TTC6: variants seen among roughly 807,000 people sequenced by gnomAD.
The protein encoded by TTC6 is tetratricopeptide repeat protein 6.
A neutral mutation model predicts 210.4 loss-of-function variants in TTC6; 172 were observed. The ratio of observed to expected loss-of-function variants is 0.82; its 90% CI spans 0.72 to 0.93. TTC6 has a LOEUF of 0.93. Among genes scored for constraint, TTC6 ranks in the 40% least tolerant of loss-of-function variants. The pLI, the probability that TTC6 is intolerant of heterozygous loss-of-function variation, is 0.00. For missense variants in TTC6, 2,414 were observed against 2,318.1 expected (o/e 1.04, Z -0.85); for synonymous variants, 804 against 819.6 (o/e 0.98, Z 0.32).
intron 14 of TTC6, among the ~76,000 whole-genome samples, chr14:37,767,933 G>C (rs1192067127): frequency 6.9e-6 from 1 of 145,164 alleles, no homozygotes; most frequent in Non-Finnish European, 1.5e-5. Flanking sequence ...TATGGTTTTA[G>C]GTCTAATGTT....
chr14:37,795,909 A>G (rs1208944537), intron 18 of TTC6, among the ~76,000 whole-genome samples: 2 of 152,158 alleles, frequency 1.3e-5, no homozygotes, highest in African/African-American at 4.8e-5. Flanking sequence ...ATGGAATGTG[A>G]CAATGCTTTA....
chr14:37,766,119 T>A (rs1271958735), intron 14 of TTC6, among the ~76,000 whole-genome samples: 1 of 152,184 alleles, frequency 6.6e-6, no homozygotes, highest in Non-Finnish European at 1.5e-5. Context: ...ATTTGGGAAG[T>A]TTTCAACCAT....
At chr14:37,757,054 G>A (rs573875597) in intron 14 of TTC6, among the ~76,000 whole-genome samples, 4 of 152,068 alleles carry the variant, frequency 2.6e-5, no homozygotes, top group South Asian at 2.1e-4. Context: ...TCAGGGATTC[G>A]ATTTCTTCCT....
At chr14:37,665,627 C>T (rs1263761625) in intron 1 of TTC6, among the ~76,000 whole-genome samples, 1 of 150,444 alleles carries the variant, frequency 6.6e-6, no homozygotes, top group African/African-American at 2.4e-5. Context: ...CCTGCACGTC[C>T]TGCACATGTA....
At chr14:37,715,839 G>T (rs537802302) in intron 6 of TTC6, among the ~76,000 whole-genome samples, 259 of 152,232 alleles carry the variant, frequency 1.7e-3, no homozygotes, top group Middle Eastern at 6.8e-3. Context: ...TAAAAGAATG[G>T]CTAGGAAAAG....
At position 37,670,977 on chromosome 14, in the gene TTC6, T is replaced by G. The variant is rs536720928; in HGVS notation, c.940-9174T>G. Among the ~76,000 whole-genome samples, 4 of 152,328 alleles carry G rather than the reference T, an allele frequency of 2.6e-5. No homozygotes were observed. In the East Asian group the frequency reaches 7.7e-4, roughly 29 times the overall value. ...GAGCCTTTTTAAAGTTATTTATTTCTGTGCAACAAATCACCCCAAAATTTA... is the reference window on the plus strand; with the variant it reads ...GAGCCTTTTTAAAGTTATTTATTTCGGTGCAACAAATCACCCCAAAATTTA... On this transcript the variant is annotated intron_variant, in intron 1 of 30. Coordinates refer to ENST00000553443, the Ensembl canonical transcript of TTC6.
chr14:37,823,808 T>G, exon 27 of TTC6: 1 of 1,614,058 alleles, frequency 6.2e-7, no homozygotes, highest in Non-Finnish European at 8.5e-7. Flanking sequence ...TAACCCATGT[T>G]TTCTGGATGC....
exon 11 of TTC6, chr14:37,749,197 G>A: frequency 6.5e-7 from 1 of 1,532,218 alleles, no homozygotes; most frequent in Non-Finnish European, 8.7e-7. Flanking sequence ...CTGAAAGAGT[G>A]AAAGAACCAC....
At chr14:37,679,992 T>C (rs2095779644) in intron 1 of TTC6, among the ~76,000 whole-genome samples, 159 bp from the exon 4 acceptor site, 1 of 152,086 alleles carries the variant, frequency 6.6e-6, no homozygotes, top group Admixed American at 6.6e-5. Context: ...ACCCTGACTT[T>C]ATTGTTTTTT....
intron 25 of TTC6, among the ~76,000 whole-genome samples, chr14:37,815,113 G>T (rs181542987): frequency 1.8e-4 from 28 of 152,238 alleles, no homozygotes; most frequent in Admixed American, 1.8e-3. Flanking sequence ...ATATAATGCT[G>T]CAAGTTTACA....
intron 1 of TTC6, among the ~76,000 whole-genome samples, chr14:37,673,667 C>T (rs2095762947): frequency 6.6e-6 from 1 of 152,062 alleles, no homozygotes; most frequent in African/African-American, 2.4e-5. Flanking sequence ...AGGGGAAAGA[C>T]CATGTGGTCT....
At chr14:37,645,374 G>A (rs2095699731) in intron 1 of TTC6, among the ~76,000 whole-genome samples, 1 of 152,158 alleles carries the variant, frequency 6.6e-6, no homozygotes, top group South Asian at 2.1e-4. Context: ...GTAATTGGGT[G>A]CCTGTTATAT....
chr14:37,739,754 G>C (rs901391752), intron 10 of TTC6, among the ~76,000 whole-genome samples: 3 of 151,746 alleles, frequency 2.0e-5, no homozygotes, highest in African/African-American at 2.4e-5. Flanking sequence ...ACCCAAACAA[G>C]TTATTTGAAG....
intron 1 of TTC6, among the ~76,000 whole-genome samples, chr14:37,600,898 G>T (rs556219495): frequency 3.3e-5 from 5 of 152,264 alleles, no homozygotes; most frequent in East Asian, 1.9e-4. Flanking sequence ...AAAGTTTTTT[G>T]ATTTTCCTTG....
At chr14:37,653,151 A>G (rs577739357) in intron 1 of TTC6, among the ~76,000 whole-genome samples, 1 of 152,290 alleles carries the variant, frequency 6.6e-6, no homozygotes, top group Admixed American at 6.5e-5. Context: ...TGGGCTTGCT[A>G]CTTAGCAGTG....
At chr14:37,705,665 C>G (rs552991409) in intron 5 of TTC6, among the ~76,000 whole-genome samples, 47 of 152,224 alleles carry the variant, frequency 3.1e-4, no homozygotes, top group Admixed American at 2.9e-3. Flanking sequence ...CATCTGCAAA[C>G]AGGAGAGACA....
chr14:37,733,820 A>G (rs2095894236), intron 7 of TTC6, among the ~76,000 whole-genome samples: 1 of 152,106 alleles, frequency 6.6e-6, no homozygotes, highest in African/African-American at 2.4e-5. Context: ...AATCACATGT[A>G]TTAATTACCT....
At chr14:37,812,496 A>C in intron 25 of TTC6, 63 bp downstream of exon 27, 1 of 1,446,910 alleles carries the variant, frequency 6.9e-7, no homozygotes, top group Non-Finnish European at 9.2e-7. Context: ...ACTAGTGAAC[A>C]AGATTTTATT....
upstream of TTC6, among the ~76,000 whole-genome samples, chr14:37,595,695 G>C (rs1196715531): frequency 1.3e-5 from 2 of 152,112 alleles, no homozygotes; most frequent in African/African-American, 4.8e-5. Context: ...CTGACCCCGG[G>C]GTCCCTCCCC....
Sources: allele counts gnomAD v4.1 joint callset (sites outside exome capture counted in the v4.1 genomes callset), GRCh38; gene constraint gnomAD v4.1.1; transcripts MANE v1.5; gene names NCBI Gene and HGNC (gene_info 2026-07-23, HGNC 2026-07-21).